Variants in PLEKHS1 observed in about 807,000 individuals in gnomAD.
The protein encoded by PLEKHS1 is pleckstrin homology domain containing S1, also known as pleckstrin homology domain-containing family S member 1.
Under a neutral mutation model 51.0 loss-of-function variants are expected in PLEKHS1, and 55 were observed. The observed-to-expected ratio is 1.08, with a 90% CI of 0.87 to 1.35. The LOEUF (loss-of-function observed/expected upper bound fraction) is 1.35. Ranked by LOEUF, PLEKHS1 falls within the 40% of genes most tolerant of loss-of-function variation. PLEKHS1 has a pLI of 0.00. For synonymous variants in PLEKHS1, 153 were observed against 144.8 expected, an observed-to-expected ratio of 1.06 and a Z score of -0.41; for missense variants, 398 against 423.0, an observed-to-expected ratio of 0.94 and a Z score of 0.52.
At chr10:113,777,453 G>T in intron 11 of PLEKHS1, 194 bp downstream of exon 12, 1 of 1,602,012 alleles carries the variant, frequency 6.2e-7, no homozygotes, top group Non-Finnish European at 8.5e-7. Flanking sequence ...TTTGGAGAAG[G>T]CACTGAGCTA....
chr10:113,780,909 A>C, exon 12 of PLEKHS1: 19 of 793,168 alleles, frequency 2.4e-5, no homozygotes, highest in Non-Finnish European at 3.1e-5. Context: ...CATCTTAACA[A>C]TGGGGATGAC....
intron 11 of PLEKHS1, among the ~76,000 whole-genome samples, chr10:113,776,874 G>A (rs577109699): frequency 1.3e-5 from 2 of 152,328 alleles, no homozygotes; most frequent in South Asian, 4.1e-4. Context: ...GGGTAGGGGA[G>A]ATGAATTATA....
chr10:113,781,472 C>A (rs2134599305), exon 12 of PLEKHS1: 1 of 127,066 alleles, frequency 7.9e-6, no homozygotes, highest in Non-Finnish European at 1.6e-5. Flanking sequence ...CCCCCTTCCC[C>A]AACACCTCCT....
At chr10:113,781,718 C>CA (rs1190338339) in exon 12 of PLEKHS1, 1 of 82,934 alleles carries the variant, frequency 1.2e-5, no homozygotes, top group Non-Finnish European at 2.8e-5. Context: ...CCCTCTTTCC[C>CA]AAACACCTCC....
intron 11 of PLEKHS1, chr10:113,777,656 G>T (rs148552101): frequency 5.9e-6 from 9 of 1,527,938 alleles, no homozygotes; most frequent in Admixed American, 2.0e-5. Context: ...TATGTGTAAC[G>T]TGCTTACAAA....
intron 2 of PLEKHS1, among the ~76,000 whole-genome samples, chr10:113,760,426 G>A (rs1447562659): frequency 6.6e-6 from 1 of 152,128 alleles, no homozygotes; most frequent in African/African-American, 2.4e-5. Context: ...GGCCAAGGCA[G>A]TAGTATTGCT....
Position 113,767,578 on chromosome 10 carries a change from C to T in PLEKHS1, c.359+99C>T, listed in dbSNP as rs188448183. On this transcript the variant is annotated intron_variant, in intron 5 of 11. Coordinates refer to ENST00000361048, the Ensembl canonical transcript of PLEKHS1. ...TACCAATAAACATGTTCTGAACCCA[C>T]GCTACAAACCTCAAATGCCATCTTG... 2.3e-3 allele frequency: 2,595 copies of T among 1,130,606 alleles called. 4 individuals carry two copies. Among genetic ancestry groups the T allele is most frequent in the Admixed American group, 3.1e-3 (95 of 30,178 alleles). The allele number at this position is 1,130,606 out of a possible 1,614,324, so 70.0% of individuals were successfully genotyped here.
At chr10:113,751,870 T>C (rs1853857158) in intron 1 of PLEKHS1, 109 bp downstream of exon 1, 1 of 152,170 alleles carries the variant, frequency 6.6e-6, no homozygotes, top group Non-Finnish European at 1.5e-5. Flanking sequence ...TTTGCAGATA[T>C]GCTGTATTTC....
chr10:113,758,049 G>A (rs1040204158), intron 2 of PLEKHS1, among the ~76,000 whole-genome samples: 7 of 152,162 alleles, frequency 4.6e-5, no homozygotes, highest in Non-Finnish European at 1.0e-4. Context: ...TCCACTGAAG[G>A]AAGTTTTGAA....
Position 113,762,288 on chromosome 10 carries a change from T to C in PLEKHS1, c.29-4123T>C, listed in dbSNP as rs547201218. Among the ~76,000 whole-genome samples the C allele has an allele frequency of 1.3e-4, 20 of 151,804 alleles. 1 individual carries two copies. Among genetic ancestry groups the C allele is most frequent in the African/African-American group, 4.6e-4 (19 of 41,508 alleles). On this transcript the variant is annotated intron_variant, in intron 2 of 11. Coordinates refer to ENST00000361048, the Ensembl canonical transcript of PLEKHS1. Reference sequence around the variant, plus strand: ...TTGGTTTCATTGGTTGTCTCTGTTGTTTTTCTGTGTTCTCTTTCATTGAAT... The same window carrying C: ...TTGGTTTCATTGGTTGTCTCTGTTGCTTTTCTGTGTTCTCTTTCATTGAAT...
At chr10:113,752,559 A>T (rs928039670) in intron 1 of PLEKHS1, among the ~76,000 whole-genome samples, 3 of 152,184 alleles carry the variant, frequency 2.0e-5, no homozygotes, top group African/African-American at 4.8e-5. Context: ...CAGCAATCTG[A>T]TGAGGGTAGT....
chr10:113,773,447 A>C (rs1844506833), intron 8 of PLEKHS1, among the ~76,000 whole-genome samples: 1 of 152,318 alleles, frequency 6.6e-6, no homozygotes, highest in Middle Eastern at 3.4e-3. Context: ...TAAATAAATA[A>C]GTAAAAAAAC....
At chr10:113,778,665 A>T (rs1844772733) in intron 11 of PLEKHS1, among the ~76,000 whole-genome samples, 2 of 69,772 alleles carry the variant, frequency 2.9e-5, no homozygotes, top group African/African-American at 3.3e-5. Context: ...TTTTTTTGAG[A>T]CGGAGTCTCG....
At chr10:113,781,685 T>C in exon 12 of PLEKHS1, 1 of 102,920 alleles carries the variant, frequency 9.7e-6, no homozygotes, top group Non-Finnish European at 2.0e-5. Context: ...CAACACCGCC[T>C]TCCCAACACC....
intron 2 of PLEKHS1, among the ~76,000 whole-genome samples, chr10:113,762,130 T>G (rs1479379885): frequency 1.3e-5 from 2 of 152,012 alleles, no homozygotes; most frequent in Non-Finnish European, 2.9e-5. Context: ...TATTATCCTT[T>G]TAATATCAGT....
At chr10:113,770,577 C>T (rs1325351630) in intron 7 of PLEKHS1, among the ~76,000 whole-genome samples, 1 of 152,136 alleles carries the variant, frequency 6.6e-6, no homozygotes, top group East Asian at 1.9e-4. Context: ...TCCATGTATA[C>T]CAAGCACATC....
intron 1 of PLEKHS1, among the ~76,000 whole-genome samples, chr10:113,753,957 G>A (rs936682850): frequency 5.3e-5 from 8 of 151,884 alleles, no homozygotes; most frequent in South Asian, 2.1e-4. Flanking sequence ...ACAGGTGCCC[G>A]CCACCACGCT....
intron 2 of PLEKHS1, among the ~76,000 whole-genome samples, chr10:113,762,693 G>A (rs1843995716): frequency 6.6e-6 from 1 of 151,748 alleles, no homozygotes; most frequent in South Asian, 2.1e-4. Flanking sequence ...TGATTTGAAT[G>A]CTTTTAAATT....
intron 5 of PLEKHS1, 56 bp from the exon 6 acceptor site, chr10:113,768,759 G>T (rs117565966): frequency 2.9e-6 from 4 of 1,376,816 alleles, no homozygotes; most frequent in African/African-American, 1.4e-5. Context: ...TCCTTCTCTG[G>T]TTCAAAAGGC....
Sources: gnomAD v4.1 joint callset for allele counts (sites outside exome capture counted in the v4.1 genomes callset) on GRCh38, gnomAD v4.1.1 for gene constraint, MANE v1.5 for transcripts, NCBI Gene and HGNC (gene_info 2026-07-23, HGNC 2026-07-21) for gene names.